ARHGAP5: variants seen among roughly 807,000 people sequenced by gnomAD.
ARHGAP5 encodes Rho GTPase activating protein 5, also known as rho GTPase-activating protein 5.
Under a neutral mutation model 116.6 loss-of-function variants are expected in ARHGAP5, and 23 were observed. The observed-to-expected ratio is 0.20, with a 90% CI of 0.14 to 0.28. ARHGAP5 has a LOEUF of 0.28. Among genes scored for constraint, ARHGAP5 ranks in the 10% least tolerant of loss-of-function variants. The probability of loss-of-function intolerance (pLI) is 1.00; values close to 1 mark genes in which losing one functional copy is unlikely to be tolerated. For synonymous variants in ARHGAP5, 574 were observed against 602.0 expected, an observed-to-expected ratio of 0.95 and a Z score of 0.68; for missense variants, 1,405 against 1,774.8, an observed-to-expected ratio of 0.79 and a Z score of 3.74.
intron 3 of ARHGAP5, among the ~76,000 whole-genome samples, chr14:32,137,042 T>TTTAAAA (rs1880841193): frequency 6.6e-6 from 1 of 151,954 alleles, no homozygotes. Flanking sequence ...CTTGATAATA[T>TTTAAAA]CTTTTAATAT....
At chr14:32,122,647 A>G (rs955596844) in intron 3 of ARHGAP5, among the ~76,000 whole-genome samples, 2 of 152,196 alleles carry the variant, frequency 1.3e-5, no homozygotes, top group Non-Finnish European at 2.9e-5. Flanking sequence ...GTTTTATCAC[A>G]TACATTTAGG....
Position 32,155,894 on chromosome 14 carries a change from C to A in ARHGAP5, c.*946C>A, listed in dbSNP as rs1881870738. Reference sequence around the variant, plus strand: ...AATTTGTTGTAGAAAATTCTTTAAACCAAACATTTAAATCTAGGACTTCAA... The same window carrying A: ...AATTTGTTGTAGAAAATTCTTTAAAACAAACATTTAAATCTAGGACTTCAA... On this transcript the variant is annotated 3_prime_UTR_variant, in exon 7 of 7. Transcript: ENST00000345122. The A allele has an allele frequency of 6.6e-6, 1 of 152,432 alleles. No homozygotes were observed. Among genetic ancestry groups the A allele is most frequent in the Non-Finnish European group, 1.5e-5 (1 of 67,940 alleles). The allele number at this position is 152,432 out of a possible 1,614,324, so 9.4% of individuals were successfully genotyped here.
chr14:32,106,406 G>T (rs530682605), intron 2 of ARHGAP5, among the ~76,000 whole-genome samples: 3 of 152,102 alleles, frequency 2.0e-5, no homozygotes, highest in African/African-American at 4.8e-5. Context: ...GGCATGAGCC[G>T]CTGCACTCGG....
At chr14:32,111,839 ATTTTTTTT>A (rs34512246) in intron 2 of ARHGAP5, among the ~76,000 whole-genome samples, 15 of 93,174 alleles carry the variant, frequency 1.6e-4, no homozygotes, top group South Asian at 3.6e-4. Flanking sequence ...TTCTTCTTTG[ATTTTTTTT>A]TTTTTTTTTT....
intron 2 of ARHGAP5, among the ~76,000 whole-genome samples, chr14:32,097,401 G>A (rs1878578434): frequency 1.3e-5 from 2 of 152,090 alleles, no homozygotes; most frequent in Admixed American, 1.3e-4. Context: ...AATGACAATA[G>A]ATGCAGAAGA....
chr14:32,108,865 G>A (rs1305780298), intron 2 of ARHGAP5, among the ~76,000 whole-genome samples: 1 of 152,064 alleles, frequency 6.6e-6, no homozygotes, highest in African/African-American at 2.4e-5. Context: ...AATTTATCTG[G>A]TGTATGTGTG....
chr14:32,152,326 C>A, intron 5 of ARHGAP5, 97 bp from the exon 6 acceptor site: 2 of 833,056 alleles, frequency 2.4e-6, no homozygotes, highest in Non-Finnish European at 3.8e-6. Flanking sequence ...GCTTTAAACA[C>A]ATTCTTGACT....
intron 3 of ARHGAP5, among the ~76,000 whole-genome samples, chr14:32,126,700 T>C (rs1173588333): frequency 2.0e-5 from 3 of 152,228 alleles, no homozygotes; most frequent in African/African-American, 7.2e-5. Context: ...CATTGGATTT[T>C]ATTGGATTAT....
At chr14:32,087,282 T>G (rs2041838868) in intron 1 of ARHGAP5, among the ~76,000 whole-genome samples, 1 of 152,010 alleles carries the variant, frequency 6.6e-6, no homozygotes, top group Non-Finnish European at 1.5e-5. Context: ...ATGGATAATT[T>G]GTATATATAT....
At chr14:32,097,128 A>T (rs1211149338) in intron 2 of ARHGAP5, among the ~76,000 whole-genome samples, 1 of 152,178 alleles carries the variant, frequency 6.6e-6, no homozygotes, top group Non-Finnish European at 1.5e-5. Flanking sequence ...TCAGTTTGCT[A>T]AGGTTGTTAA....
chr14:32,123,590 T>C (rs531158723), intron 3 of ARHGAP5, among the ~76,000 whole-genome samples: 2 of 152,196 alleles, frequency 1.3e-5, no homozygotes, highest in African/African-American at 4.8e-5. Flanking sequence ...CTGCTTCTTG[T>C]TTTGATAGTT....
At chr14:32,089,501 TA>T (rs2139011086) in intron 1 of ARHGAP5, among the ~76,000 whole-genome samples, 1 of 152,066 alleles carries the variant, frequency 6.6e-6, no homozygotes, top group Admixed American at 6.6e-5. Context: ...AAAACTTTTT[TA>T]AAAGACCAAT....
intron 6 of ARHGAP5, among the ~76,000 whole-genome samples, chr14:32,153,406 C>CAAAAAAAAAAAA (rs771660350): frequency 1.3e-4 from 2 of 15,158 alleles, no homozygotes; most frequent in African/African-American, 3.2e-4. Flanking sequence ...GACTCTGTCT[C>CAAAAAAAAAAAA]AAAAAAAAAA....
At chr14:32,122,482 A>C (rs1043980897) in intron 3 of ARHGAP5, among the ~76,000 whole-genome samples, 3 of 152,198 alleles carry the variant, frequency 2.0e-5, no homozygotes, top group Non-Finnish European at 4.4e-5. Context: ...CTTCTTGAAG[A>C]TATGCTTTGA....
At chr14:32,133,890 G>A (rs1290930102) in intron 3 of ARHGAP5, among the ~76,000 whole-genome samples, 2 of 152,054 alleles carry the variant, frequency 1.3e-5, no homozygotes, top group Non-Finnish European at 2.9e-5. Context: ...TACATTTATT[G>A]ATTTGCATGT....
intron 3 of ARHGAP5, among the ~76,000 whole-genome samples, chr14:32,122,731 A>C (rs1358290887): frequency 3.9e-5 from 6 of 152,182 alleles, no homozygotes; most frequent in Admixed American, 2.0e-4. Context: ...TTGCATGTGG[A>C]TATCCATTAT....
chr14:32,096,285 T>C (rs926487540), intron 2 of ARHGAP5, among the ~76,000 whole-genome samples: 3 of 152,216 alleles, frequency 2.0e-5, no homozygotes, highest in African/African-American at 7.2e-5. Flanking sequence ...TGCTGCATAG[T>C]CTTTCTAATT....
Position 32,093,599 on chromosome 14 carries a change from A to C in ARHGAP5, c.2930A>C (p.Asn977Thr). The change falls in exon 2 of 7, where the codon AAC (asparagine) becomes ACC (threonine). Residue 977 changes from asparagine to threonine, a missense_variant. Asn to Thr is a moderately conservative substitution (Grantham distance 65). Coordinates refer to ENST00000345122, the MANE Select transcript of ARHGAP5 (RefSeq NM_001030055.2). ...PSPRDCFPYN[N>T]YPDSDDDTEA... The stretch of plus-strand genomic sequence containing the variant: ...CCCAGAGACTGTTTTCCCTATAATA[A>C]CTACCCTGATTCAGATGATGACACA... The C allele has an allele frequency of 6.2e-7, 1 of 1,613,998 alleles. No individual in the cohort carries two copies. Among genetic ancestry groups the C allele is most frequent in the Non-Finnish European group, 8.5e-7 (1 of 1,179,944 alleles).
intron 3 of ARHGAP5, among the ~76,000 whole-genome samples, chr14:32,142,423 G>A (rs1461336291): frequency 5.9e-5 from 9 of 152,164 alleles, no homozygotes; most frequent in Non-Finnish European, 5.9e-5. Flanking sequence ...TATGTTGTTT[G>A]CTTGTTTAGA....
Sources: allele counts gnomAD v4.1 joint callset (sites outside exome capture counted in the v4.1 genomes callset), GRCh38; gene constraint gnomAD v4.1.1; transcripts MANE v1.5; gene names NCBI Gene and HGNC (gene_info 2026-07-23, HGNC 2026-07-21).